NXPE4: variants seen among roughly 807,000 people sequenced by gnomAD.
NXPE4 encodes the protein neurexophilin and PC-esterase domain family member 4, also known as NXPE family member 4.
Under a neutral mutation model 33.3 loss-of-function variants are expected in NXPE4, and 42 were observed. The ratio of observed to expected loss-of-function variants is 1.26; its 90% CI spans 0.98 to 1.63. The LOEUF is 1.63. NXPE4 is among the 40% of genes most tolerant of loss of function. The pLI is 0.00. For missense variants in NXPE4, 709 were observed against 647.6 expected (o/e 1.09, Z -1.03); for synonymous variants, 253 against 234.9 (o/e 1.08, Z -0.71).
At chr11:114,635,886 T>C in the NXPE4 span, among the ~76,000 whole-genome samples, 1 of 152,102 alleles carries the variant, frequency 6.6e-6, no homozygotes, top group African/African-American at 2.4e-5. Flanking sequence ...ATCGAGAATT[T>C]TTGCATCAAT....
upstream of NXPE4, among the ~76,000 whole-genome samples, chr11:114,596,900 A>G (rs1464574925): frequency 6.6e-6 from 1 of 152,216 alleles, no homozygotes; most frequent in Non-Finnish European, 1.5e-5. Context: ...TAAAGAACCA[A>G]GAGTACAAAA....
At chr11:114,612,686 G>A in the NXPE4 span, among the ~76,000 whole-genome samples, 1 of 150,052 alleles carries the variant, frequency 6.7e-6, no homozygotes, top group African/African-American at 2.5e-5. Context: ...TGTCTCATGG[G>A]TAACAACTGT....
intron 2 of NXPE4, among the ~76,000 whole-genome samples, chr11:114,586,239 T>A (rs1357819524): frequency 6.6e-6 from 1 of 152,170 alleles, no homozygotes; most frequent in African/African-American, 2.4e-5. Flanking sequence ...CTGTTAAACC[T>A]CTGCTCTTAA....
chr11:114,639,672 T>C, the NXPE4 span, among the ~76,000 whole-genome samples: 1 of 141,954 alleles, frequency 7.0e-6, no homozygotes, highest in Non-Finnish European at 1.5e-5. Context: ...TTGTATTATA[T>C]ATGTAATATA....
the NXPE4 span, among the ~76,000 whole-genome samples, chr11:114,642,747 A>G: frequency 6.6e-6 from 1 of 152,078 alleles, no homozygotes; most frequent in African/African-American, 2.4e-5. Context: ...TCTTTATAGT[A>G]GAATGGTTTA....
the NXPE4 span, among the ~76,000 whole-genome samples, chr11:114,612,152 G>C: frequency 6.6e-6 from 1 of 151,980 alleles, no homozygotes. Flanking sequence ...GGTAACCACA[G>C]TTGCCCAGTG....
At chr11:114,672,915 C>T in the NXPE4 span, among the ~76,000 whole-genome samples, 6 of 151,254 alleles carry the variant, frequency 4.0e-5, no homozygotes, top group Non-Finnish European at 8.9e-5. Context: ...GACAGAATAA[C>T]AGTAAGAAAA....
At chr11:114,650,618 C>G in the NXPE4 span, among the ~76,000 whole-genome samples, 1 of 152,164 alleles carries the variant, frequency 6.6e-6, no homozygotes, top group African/African-American at 2.4e-5. Flanking sequence ...AATAAGACCT[C>G]TATCCCTAGG....
At chr11:114,603,806 C>T in the NXPE4 span, among the ~76,000 whole-genome samples, 8 of 151,600 alleles carry the variant, frequency 5.3e-5, no homozygotes, top group South Asian at 2.1e-4. Context: ...AGTATTGCCT[C>T]GTCTCCTAGG....
At chr11:114,647,930 G>C in the NXPE4 span, among the ~76,000 whole-genome samples, 1 of 152,130 alleles carries the variant, frequency 6.6e-6, no homozygotes, top group East Asian at 1.9e-4. Flanking sequence ...TTGAACTCCT[G>C]ACCTCGTGAT....
chr11:114,574,766 G>T (rs1243188424), intron 5 of NXPE4, among the ~76,000 whole-genome samples: 1 of 152,050 alleles, frequency 6.6e-6, no homozygotes, highest in African/African-American at 2.4e-5. Flanking sequence ...GACATTCAAA[G>T]AAAAATTCAA....
At chr11:114,600,596 C>A (rs915092353), upstream of NXPE4, among the ~76,000 whole-genome samples, 1 of 151,954 alleles carries the variant, frequency 6.6e-6, no homozygotes, top group Admixed American at 6.6e-5. Flanking sequence ...TCATGAAAAA[C>A]CATGTAAGAC....
At chr11:114,634,922 G>A in the NXPE4 span, among the ~76,000 whole-genome samples, 1 of 151,860 alleles carries the variant, frequency 6.6e-6, no homozygotes, top group Non-Finnish European at 1.5e-5. Flanking sequence ...TGTTCTTTTG[G>A]CTTAGGATGA....
intron 5 of NXPE4, among the ~76,000 whole-genome samples, chr11:114,574,914 C>T (rs1948963503): frequency 6.6e-6 from 1 of 151,986 alleles, no homozygotes; most frequent in Non-Finnish European, 1.5e-5. Context: ...CAGTAACATC[C>T]CTTATGAACA....
intron 5 of NXPE4, 87 bp from the exon 6 acceptor site, chr11:114,571,560 T>C: frequency 8.6e-7 from 1 of 1,168,068 alleles, no homozygotes; most frequent in Non-Finnish European, 1.2e-6. Flanking sequence ...ATTTGATTGG[T>C]ATAATTAAAT....
At chr11:114,584,292 T>A in intron 2 of NXPE4, 1 of 511,430 alleles carries the variant, frequency 2.0e-6, no homozygotes, top group South Asian at 1.5e-5. Context: ...CCTACATCAG[T>A]CCTTCCAATA....
At chr11:114,668,432 T>C in the NXPE4 span, among the ~76,000 whole-genome samples, 7 of 151,846 alleles carry the variant, frequency 4.6e-5, no homozygotes, top group Admixed American at 2.0e-4. Context: ...AGTAGATAAC[T>C]AATACACAGA....
the NXPE4 span, among the ~76,000 whole-genome samples, chr11:114,672,536 G>T: frequency 1.3e-5 from 2 of 151,852 alleles, no homozygotes; most frequent in Non-Finnish European, 2.9e-5. Flanking sequence ...TGCCAGACTG[G>T]TTAATGGGAC....
chr11:114,658,961 A>C, the NXPE4 span, among the ~76,000 whole-genome samples: 10 of 152,174 alleles, frequency 6.6e-5, no homozygotes, highest in Admixed American at 1.3e-4. Context: ...TTTCTGGGAC[A>C]TTGACACACA....
Sources: gnomAD v4.1 joint callset for allele counts (sites outside exome capture counted in the v4.1 genomes callset) on GRCh38, gnomAD v4.1.1 for gene constraint, MANE v1.5 for transcripts, NCBI Gene and HGNC (gene_info 2026-07-23, HGNC 2026-07-21) for gene names.